Variants in SOCS7 observed in about 807,000 individuals in gnomAD.
The protein encoded by SOCS7 is suppressor of cytokine signaling 7.
SOCS7 carries 18 observed loss-of-function variants against 58.9 expected under a neutral mutation model. The observed-to-expected ratio is 0.31, with a 90% CI of 0.21 to 0.45. SOCS7 has a LOEUF of 0.45. Ranked by LOEUF, SOCS7 falls within the 20% of genes least tolerant of loss-of-function variation. The probability of loss-of-function intolerance (pLI) is 1.00; values close to 1 mark genes in which losing one functional copy is unlikely to be tolerated. For missense variants in SOCS7, 667 were observed against 837.3 expected, an observed-to-expected ratio of 0.80 and a Z score of 2.51; for synonymous variants, 388 against 364.3, an observed-to-expected ratio of 1.06 and a Z score of -0.74.
chr17:38,366,228 C>A, intron 4 of SOCS7, 59 bp from the exon 5 acceptor site: 1 of 1,592,424 alleles, frequency 6.3e-7, no homozygotes, highest in Non-Finnish European at 8.6e-7. Flanking sequence ...GGGGGAGGGT[C>A]TATTTGTGGT....
At chr17:38,385,747 C>T (rs1407132665) in intron 7 of SOCS7, among the ~76,000 whole-genome samples, 1 of 151,946 alleles carries the variant, frequency 6.6e-6, no homozygotes, top group Non-Finnish European at 1.5e-5. Context: ...CATTTCCTTA[C>T]GATTTACTTA....
chr17:38,380,579 T>C (rs2037988016), intron 7 of SOCS7, among the ~76,000 whole-genome samples: 1 of 150,082 alleles, frequency 6.7e-6, no homozygotes, highest in Admixed American at 6.7e-5. Context: ...TGCAGTGAGC[T>C]GAGATTGTGC....
chr17:38,381,413 G>A (rs1195906718), intron 7 of SOCS7, among the ~76,000 whole-genome samples: 1 of 152,164 alleles, frequency 6.6e-6, no homozygotes, highest in Non-Finnish European at 1.5e-5. Flanking sequence ...CTGCGTCAGG[G>A]ATTTTAACTT....
chr17:38,395,782 A>T, intron 8 of SOCS7, 66 bp from the exon 9 acceptor site: 1 of 1,503,290 alleles, frequency 6.7e-7, no homozygotes, highest in East Asian at 2.3e-5. Flanking sequence ...AGTTGAACAA[A>T]GGAGTTACTT....
intron 7 of SOCS7, among the ~76,000 whole-genome samples, chr17:38,394,202 C>T (rs773312398): frequency 6.6e-6 from 1 of 152,202 alleles, no homozygotes; most frequent in African/African-American, 2.4e-5. Flanking sequence ...ACAGAGCCTG[C>T]TAATACATAA....
At chr17:38,380,009 G>A (rs2037980780) in intron 7 of SOCS7, among the ~76,000 whole-genome samples, 1 of 152,188 alleles carries the variant, frequency 6.6e-6, no homozygotes, top group Admixed American at 6.5e-5. Flanking sequence ...ACCAGCAAGA[G>A]TAGGGTAGTC....
At chr17:38,369,459 T>C (rs975767452) in intron 6 of SOCS7, among the ~76,000 whole-genome samples, 2 of 152,120 alleles carry the variant, frequency 1.3e-5, no homozygotes, top group Non-Finnish European at 2.9e-5. Context: ...CTAGGTGGGA[T>C]AGGTGAGGGG....
At chr17:38,355,444 C>T (rs146352210) in intron 1 of SOCS7, among the ~76,000 whole-genome samples, 143 of 152,278 alleles carry the variant, frequency 9.4e-4, no homozygotes, top group Non-Finnish European at 1.6e-3. Flanking sequence ...CTGGCAGCCT[C>T]GCAGCTGTGA....
At chr17:38,374,134 C>T (rs536039617) in intron 6 of SOCS7, among the ~76,000 whole-genome samples, 71 of 152,334 alleles carry the variant, frequency 4.7e-4, no homozygotes, top group Non-Finnish European at 8.8e-4. Context: ...GGAGGAGAAT[C>T]GCTCCAACTT....
intron 6 of SOCS7, among the ~76,000 whole-genome samples, chr17:38,369,863 C>T (rs1474319968): frequency 6.6e-6 from 1 of 151,086 alleles, no homozygotes; most frequent in Non-Finnish European, 1.5e-5. Flanking sequence ...GATCTTGGCT[C>T]ACTGCAACCT....
chr17:38,358,162 C>T (rs924438407), intron 1 of SOCS7, among the ~76,000 whole-genome samples: 2 of 152,322 alleles, frequency 1.3e-5, no homozygotes, highest in East Asian at 3.9e-4. Context: ...CCACCCTACT[C>T]CTCCAGTCTT....
chr17:38,364,376 G>C (rs1023916986), intron 2 of SOCS7, among the ~76,000 whole-genome samples: 1 of 152,146 alleles, frequency 6.6e-6, no homozygotes, highest in Non-Finnish European at 1.5e-5. Flanking sequence ...AAGCCACTTG[G>C]CTTGCTTCCT....
chr17:38,386,323 C>CAAAAAAAAAA lies in SOCS7; in HGVS notation c.1681+8497_1681+8506dup, dbSNP rs548448434. On this transcript the variant is annotated intron_variant, in intron 7 of 9. Transcript: ENST00000612932. ...TGGGCAAAAGAGGGAGGCTGTGTCT[C>CAAAAAAAAAA]AAAAAAAAAAAAAAAAAAAAAAAAA... Among the ~76,000 whole-genome samples, 37 of 51,796 alleles carry CAAAAAAAAAA rather than the reference C, an allele frequency of 7.1e-4. 2 individuals carry two copies. Among genetic ancestry groups the CAAAAAAAAAA allele is most frequent in the African/African-American group, 2.8e-3 (36 of 13,046 alleles). 34.0% of individuals were successfully genotyped at this position (51,796 alleles called of 152,430 possible).
At position 38,365,379 on chromosome 17, in the gene SOCS7, CT is replaced by C; in HGVS notation, c.1223del (p.Leu408HisfsTer62). 1 of 1,612,690 alleles carries C rather than the reference CT, an allele frequency of 6.2e-7. No homozygotes were observed. Among genetic ancestry groups the C allele is most frequent in the Non-Finnish European group, 8.5e-7 (1 of 1,179,342 alleles). On this transcript the variant is annotated frameshift_variant, in exon 4 of 10. Transcript: ENST00000612932. LOFTEE classifies it high-confidence loss of function. Reference protein sequence around the residue: ...PMGSSLQSFPLPPPPPPHAPD... With the variant: ...PMGSSLQSFPXPPPPPPHAPD... ...GGGGTCTTCCTTGCAGTCTTTCCCC[CT>C]ACCTCCGCCTCCTCCACCCCATGCC...
Position 38,352,401 on chromosome 17 carries a change from G to C in SOCS7, c.349G>C (p.Ala117Pro). 1 of 1,439,406 alleles carries C rather than the reference G, an allele frequency of 6.9e-7. No homozygotes were observed. The highest frequency in any genetic ancestry group is 9.0e-7 in the Non-Finnish European group (1 of 1,105,584). 89.2% of individuals were successfully genotyped at this position (1,439,406 alleles called of 1,614,324 possible). A position where few individuals can be genotyped will look rare whatever the true frequency, so the allele number is the denominator to read the frequency against. ...GLALERTWGP[A>P]AGLEAQLAAL... ...GGCGCTCGAGCGGACCTGGGGCCCG[G>C]CGGCTGGACTAGAGGCGCAGTTGGC... Residue 117 changes from alanine (A) to proline (P), a missense_variant, in exon 1 of 10, where the codon GCG (alanine) becomes CCG (proline). Physicochemically the swap from Ala to Pro is conservative, Grantham distance 27. Coordinates refer to ENST00000612932, the MANE Select transcript of SOCS7 (RefSeq NM_014598.4). This position sits in a 1 kb window ranked among gnomAD's most constrained non-coding sequence, Gnocchi z 5.5.
intron 7 of SOCS7, among the ~76,000 whole-genome samples, chr17:38,385,250 C>A (rs1354945952): frequency 6.6e-6 from 1 of 151,502 alleles, no homozygotes; most frequent in East Asian, 1.9e-4. Context: ...CCCTTTTTTT[C>A]TTGCAATTTA....
intron 9 of SOCS7, 39 bp downstream of exon 9, chr17:38,396,037 C>G: frequency 6.6e-7 from 1 of 1,509,748 alleles, no homozygotes; most frequent in Non-Finnish European, 8.8e-7. Flanking sequence ...CACATTTCTT[C>G]CTGGGCAGTC....
At chr17:38,372,435 C>T (rs937994010) in intron 6 of SOCS7, among the ~76,000 whole-genome samples, 2 of 152,208 alleles carry the variant, frequency 1.3e-5, no homozygotes, top group Non-Finnish European at 2.9e-5. Flanking sequence ...GGGTGTACTA[C>T]CGTAATATTT....
chr17:38,367,762 T>C (rs1555568589), intron 5 of SOCS7, 120 bp from the exon 6 acceptor site: 2 of 840,442 alleles, frequency 2.4e-6, no homozygotes, highest in Admixed American at 2.7e-5. Flanking sequence ...AAGTGGCTTT[T>C]ACCTATTGAA....
Sources: gnomAD v4.1 joint callset for allele counts (sites outside exome capture counted in the v4.1 genomes callset) on GRCh38, gnomAD v4.1.1 for gene constraint, Gnocchi (gnomAD v3.1) non-coding constraint, MANE v1.5 for transcripts, NCBI Gene and HGNC (gene_info 2026-07-23, HGNC 2026-07-21) for gene names.